Variants in NEDD4L observed in about 807,000 individuals in gnomAD.
NEDD4L encodes NEDD4 like E3 ubiquitin protein ligase, also known as E3 ubiquitin-protein ligase NEDD4-like.
A neutral mutation model predicts 148.9 loss-of-function variants in NEDD4L; 54 were observed. The observed-to-expected ratio is 0.36, with a 90% CI of 0.29 to 0.45. The LOEUF (loss-of-function observed/expected upper bound fraction) is 0.45. Among genes scored for constraint, NEDD4L ranks in the 20% least tolerant of loss-of-function variants. The pLI, the probability that NEDD4L is intolerant of heterozygous loss-of-function variation, is 1.00. For missense variants in NEDD4L, 856 were observed against 1,233.8 expected, an observed-to-expected ratio of 0.69 and a Z score of 4.59; for synonymous variants, 433 against 440.7, an observed-to-expected ratio of 0.98 and a Z score of 0.22.
rs2045905912 is a variant in NEDD4L, at chr18:58,364,781, T to C, written c.1833+448T>C. Among the ~76,000 whole-genome samples the C allele has an allele frequency of 3.9e-5, 6 of 152,242 alleles. No homozygotes were observed. The South Asian group carries it at 1.2e-3, about 32-fold the overall frequency. On this transcript the variant is annotated intron_variant, in intron 20 of 30. Coordinates refer to ENST00000400345, the MANE Select transcript of NEDD4L (RefSeq NM_001144967.3). ...TATAATATAGTGTTATATTTAATTA[T>C]AATAATTGGCAGTATTACGTCCAAA...
chr18:58,131,539 A>G (rs930241810), intron 1 of NEDD4L, among the ~76,000 whole-genome samples: 1 of 149,658 alleles, frequency 6.7e-6, no homozygotes, highest in Non-Finnish European at 1.5e-5. Flanking sequence ...GTTGTGATCT[A>G]GCAGAACTGT....
intron 28 of NEDD4L, 185 bp from the exon 29 acceptor site, chr18:58,390,461 T>C (rs2049660451): frequency 4.0e-6 from 2 of 504,442 alleles, no homozygotes; most frequent in Non-Finnish European, 7.1e-6. Context: ...TTGTGATCAC[T>C]CAGTCTCTTA....
At chr18:58,097,117 A>T (rs1202632664) in intron 1 of NEDD4L, among the ~76,000 whole-genome samples, 2 of 152,234 alleles carry the variant, frequency 1.3e-5, no homozygotes, top group African/African-American at 4.8e-5. Context: ...GAAAAAAAAA[A>T]GTGAATGCAC....
chr18:58,130,117 A>G (rs1598983210), intron 1 of NEDD4L, among the ~76,000 whole-genome samples: 1 of 106,554 alleles, frequency 9.4e-6, no homozygotes, highest in Non-Finnish European at 1.9e-5. Context: ...GGTTTGGTTG[A>G]CTGTGATCTA....
At position 58,335,537 on chromosome 18, in the gene NEDD4L, G is replaced by T; in HGVS notation, c.1125G>T (p.Thr375=). ...CTGTCACGGGTGGTGAGGAACCAACGGTAATGATCCACTTTATCAGACATC... is the reference window on the plus strand; with the variant it reads ...CTGTCACGGGTGGTGAGGAACCAACTGTAATGATCCACTTTATCAGACATC... ...SSTVTGGEEP[T]PSVAYVHTTP... The change falls in exon 13 of 31, where the codon ACG becomes ACT. Residue 375 remains threonine (T), a splice_region_variant and synonymous_variant. Coordinates refer to ENST00000400345, the MANE Select transcript of NEDD4L (RefSeq NM_001144967.3). 6.2e-7 allele frequency: 1 copy of T among 1,611,642 alleles called. No homozygotes were observed.
intron 29 of NEDD4L, among the ~76,000 whole-genome samples, 170 bp from the exon 30 acceptor site, chr18:58,391,317 C>A (rs1047284364): frequency 2.6e-5 from 4 of 152,188 alleles, no homozygotes; most frequent in Non-Finnish European, 5.9e-5. Flanking sequence ...GTTGTGCAGA[C>A]CTCTGGCTTC....
intron 12 of NEDD4L, 58 bp downstream of exon 12, chr18:58,333,950 T>G: frequency 9.0e-7 from 1 of 1,107,526 alleles, no homozygotes; most frequent in Non-Finnish European, 1.3e-6. Flanking sequence ...TTTACAATCA[T>G]CTGGGCTGCT....
At chr18:58,348,039 C>T (rs1311465531) in intron 16 of NEDD4L, among the ~76,000 whole-genome samples, 1 of 151,956 alleles carries the variant, frequency 6.6e-6, no homozygotes, top group Non-Finnish European at 1.5e-5. Flanking sequence ...ATCACCCAGG[C>T]TGGAGTACAA....
chr18:58,054,428 T>A (rs1341130764), intron 1 of NEDD4L, among the ~76,000 whole-genome samples: 5 of 152,036 alleles, frequency 3.3e-5, no homozygotes, highest in African/African-American at 1.2e-4. Context: ...GAGTGCAAGG[T>A]TTAAAGGAAA....
chr18:58,349,816 G>A (rs192821958), intron 17 of NEDD4L, among the ~76,000 whole-genome samples: 1 of 152,318 alleles, frequency 6.6e-6, no homozygotes, highest in East Asian at 1.9e-4. Context: ...TTATGAAAGA[G>A]GTTTCTGAAT....
intron 5 of NEDD4L, among the ~76,000 whole-genome samples, chr18:58,307,887 A>G (rs1366842930): frequency 1.3e-5 from 2 of 152,226 alleles, no homozygotes; most frequent in African/African-American, 4.8e-5. Flanking sequence ...TTGGTAGCTA[A>G]GTTCAGAGAA....
chr18:58,381,786 G>A lies in NEDD4L; in HGVS notation c.2353-1460G>A, dbSNP rs1292585452. ...ATGAGCACTGTCCACGCACCTCTGAGAACCAGCCACGAACTGGCAGAGTTT... is the reference window on the plus strand; with the variant it reads ...ATGAGCACTGTCCACGCACCTCTGAAAACCAGCCACGAACTGGCAGAGTTT... On this transcript the variant is annotated intron_variant, in intron 24 of 30. Coordinates refer to ENST00000400345, the MANE Select transcript of NEDD4L (RefSeq NM_001144967.3). Among the ~76,000 whole-genome samples, 4 of 152,170 alleles carry A rather than the reference G, an allele frequency of 2.6e-5. No individual in the cohort carries two copies. In the East Asian group the frequency reaches 5.8e-4, roughly 22 times the overall value.
At chr18:58,249,312 G>T (rs1349267424) in intron 4 of NEDD4L, among the ~76,000 whole-genome samples, 1 of 152,136 alleles carries the variant, frequency 6.6e-6, no homozygotes, top group Non-Finnish European at 1.5e-5. Flanking sequence ...TGATTAAAAA[G>T]AAACATAAAA....
intron 1 of NEDD4L, among the ~76,000 whole-genome samples, chr18:58,050,182 A>G (rs1006422931): frequency 1.2e-4 from 18 of 152,166 alleles, no homozygotes; most frequent in Non-Finnish European, 2.1e-4. Flanking sequence ...GGCCAGACAT[A>G]GTGGCTCACA....
chr18:58,388,491 C>A (rs774632608), intron 27 of NEDD4L: 1 of 152,252 alleles, frequency 6.6e-6, no homozygotes, highest in African/African-American at 2.4e-5. Context: ...TAAATATCTT[C>A]CATTTGTCCA....
intron 5 of NEDD4L, 99 bp from the exon 6 acceptor site, chr18:58,315,883 C>A: frequency 9.5e-7 from 1 of 1,055,648 alleles, no homozygotes; most frequent in Non-Finnish European, 1.5e-6. Flanking sequence ...CAGTGCCAGG[C>A]CCTGGACCTT....
chr18:58,296,493 C>T (rs2055589516), intron 5 of NEDD4L, among the ~76,000 whole-genome samples: 2 of 152,220 alleles, frequency 1.3e-5, no homozygotes, highest in African/African-American at 4.8e-5. Context: ...GCTGCGCTCC[C>T]TCCAGAGCCT....
intron 13 of NEDD4L, among the ~76,000 whole-genome samples, chr18:58,339,126 A>G (rs943580604): frequency 8.3e-6 from 1 of 120,550 alleles, no homozygotes; most frequent in African/African-American, 3.2e-5. Flanking sequence ...GGCCAGGGGG[A>G]GTGGGGAGTT....
At chr18:58,255,426 T>C (rs2048398352) in intron 5 of NEDD4L, 2 of 1,027,368 alleles carry the variant, frequency 1.9e-6, no homozygotes, top group Non-Finnish European at 2.5e-6. Flanking sequence ...TCTGTCACAG[T>C]GTGGATGAGA....
Sources: allele counts gnomAD v4.1 joint callset (sites outside exome capture counted in the v4.1 genomes callset), GRCh38; gene constraint gnomAD v4.1.1; transcripts MANE v1.5; gene names NCBI Gene and HGNC (gene_info 2026-07-23, HGNC 2026-07-21).